Variants in BBOF1 observed in about 807,000 individuals in gnomAD.
BBOF1 encodes the protein basal body orientation factor 1.
A neutral mutation model predicts 68.0 loss-of-function variants in BBOF1; 62 were observed. That is an observed-to-expected ratio of 0.91 (90% CI 0.74 to 1.13). The LOEUF is 1.13. BBOF1 is among the 50% of genes most tolerant of loss of function. The pLI is 0.00. For missense variants in BBOF1, 534 were observed against 600.1 expected, an observed-to-expected ratio of 0.89 and a Z score of 1.15; for synonymous variants, 208 against 198.8, an observed-to-expected ratio of 1.05 and a Z score of -0.39.
rs2059942532 is a variant in BBOF1 at position 74,046,109 on chromosome 14, G to A, written c.626G>A (p.Arg209Lys). 6.2e-7 allele frequency: 1 copy of A among 1,608,586 alleles called. No homozygotes were observed. The highest frequency in any genetic ancestry group is 8.5e-7 in the Non-Finnish European group (1 of 1,177,488). The change falls in exon 6 of 12, where the codon AGA becomes AAA. Residue 209 changes from arginine to lysine, a missense_variant. Physicochemically the swap from Arg to Lys is conservative, Grantham distance 26. Coordinates refer to ENST00000394009, the MANE Select transcript of BBOF1 (RefSeq NM_025057.3). ...AAGAAGATAATAATGCTAGCAGAGAGAGCCCACCATGAGGCTATTGTGTAA... is the reference window on the plus strand; with the variant it reads ...AAGAAGATAATAATGCTAGCAGAGAAAGCCCACCATGAGGCTATTGTGTAA... ...AEKKIIMLAE[R>K]AHHEAIVQLN...
intron 5 of BBOF1, among the ~76,000 whole-genome samples, chr14:74,045,207 G>C (rs369156562): frequency 6.6e-6 from 1 of 152,164 alleles, no homozygotes; most frequent in African/African-American, 2.4e-5. Flanking sequence ...TTTCACCCTA[G>C]AATATAAGCT....
Position 74,055,584 on chromosome 14 carries a change from G to T in BBOF1, c.1287G>T (p.Trp429Cys). ...VNQDLLEAEK[W>C]THIEGNVDIG... ...ATTTTTTTCCTTTGAAATTCTTTAG[G>T]ACACATATTGAAGGAAATGTGGATA... Residue 429 changes from tryptophan to cysteine, a missense_variant and splice_region_variant, in exon 9 of 12, where the codon TGG becomes TGT. By Grantham distance (215) the Trp-to-Cys change is radical. Transcript: ENST00000394009. 6.2e-7 allele frequency: 1 copy of T among 1,605,478 alleles called. No individual in the cohort carries two copies. Among genetic ancestry groups the T allele is most frequent in the Non-Finnish European group, 8.5e-7 (1 of 1,173,136 alleles).
At chr14:74,021,913 A>C (rs1278836211) in intron 1 of BBOF1, among the ~76,000 whole-genome samples, 1 of 151,778 alleles carries the variant, frequency 6.6e-6, no homozygotes, top group African/African-American at 2.4e-5. Context: ...TCCCTCCCCC[A>C]GAAAAAAAAA....
At chr14:74,036,683 CA>C (rs35152747) in intron 4 of BBOF1, among the ~76,000 whole-genome samples, 13,065 of 108,168 alleles carry the variant, frequency 0.12, 673 homozygotes, top group Admixed American at 0.2. Context: ...GACTCTGTCT[CA>C]AAAAAAAAAA....
chr14:74,031,890 A>G lies in BBOF1; in HGVS notation c.352-2138A>G, dbSNP rs545629212. The G allele has an allele frequency of 3.3e-5, 5 of 152,278 alleles. No individual in the cohort carries two copies. In the South Asian group the frequency reaches 1.0e-3, roughly 32 times the overall value. 9.4% of individuals were successfully genotyped at this position (152,278 alleles called of 1,614,324 possible). A position where few individuals can be genotyped will look rare whatever the true frequency, so the allele number is the denominator to read the frequency against. On this transcript the variant is annotated intron_variant, in intron 3 of 11. Coordinates refer to ENST00000394009, the MANE Select transcript of BBOF1 (RefSeq NM_025057.3). The stretch of plus-strand genomic sequence containing the variant: ...TTCCAGTCTTTTTCTATTACAATGA[A>G]TGTGCCAGTAAAGAGCTTCATGTAT...
In BBOF1 at chr14:74,050,047, C is replaced by T; in HGVS notation, c.1138C>T (p.His380Tyr). 6.2e-7 allele frequency: 1 copy of T among 1,614,086 alleles called. No homozygotes were observed. The highest frequency in any genetic ancestry group is 2.2e-5 in the East Asian group (1 of 44,870). ...GCAACAGATCCTAATTAGCAGGAAG[C>T]ATTATAAGCAGATAGCACAAGCTGC... Reference protein sequence around the residue: ...VKQQILISRKHYKQIAQAAFN... With the variant: ...VKQQILISRKYYKQIAQAAFN... Residue 380 changes from histidine (H) to tyrosine (Y), a missense_variant, in exon 8 of 12, where the codon CAT (histidine) becomes TAT (tyrosine). Transcript: ENST00000394009.
intron 1 of BBOF1, 29 bp from the exon 2 acceptor site, chr14:74,022,887 T>C (rs2059334785): frequency 7.8e-7 from 1 of 1,287,246 alleles, no homozygotes; most frequent in East Asian, 2.3e-5. Flanking sequence ...TAAATAGTCA[T>C]ATACTGTCAA....
At chr14:74,021,373 C>T (rs954166182) in intron 1 of BBOF1, among the ~76,000 whole-genome samples, 1 of 151,956 alleles carries the variant, frequency 6.6e-6, no homozygotes, top group Non-Finnish European at 1.5e-5. Flanking sequence ...ATCACTTGAG[C>T]CCAGGAGTTC....
chr14:74,070,232 C>A (rs780145108), downstream of BBOF1, among the ~76,000 whole-genome samples: 90 of 151,978 alleles, frequency 5.9e-4, no homozygotes, highest in Non-Finnish European at 8.8e-4. Flanking sequence ...TTAAGAATAA[C>A]AATAGGCAAG....
chr14:74,048,111 T>TAA lies in BBOF1; in HGVS notation c.792+37_792+38insAA, dbSNP rs2059991105. 3 of 1,584,706 alleles carry TAA rather than the reference T, an allele frequency of 1.9e-6. No homozygotes were observed. In the African/African-American group the frequency reaches 4.1e-5, roughly 22 times the overall value. ...TTTAGACTTGGTGTCCTTCTTTTCT[T>TAA]TATTTAAGGATTGGGTTGGTAAATA... On this transcript the variant is annotated intron_variant, in intron 7 of 11. Transcript: ENST00000394009.
chr14:74,064,979 C>A lies in BBOF1; in HGVS notation c.*280C>A. On this transcript the variant is annotated 3_prime_UTR_variant, in exon 12 of 12. Transcript: ENST00000394009. ...GACAAAGGAACTCTCCATTTAGAAA[C>A]ACAAAGGCATCAGAGACCAGTTTTA... is the stretch of plus-strand genomic sequence containing the variant. The A allele has an allele frequency of 6.6e-7, 1 of 1,523,744 alleles. No homozygotes were observed. Among genetic ancestry groups the A allele is most frequent in the East Asian group, 2.3e-5 (1 of 43,330 alleles). The allele number at this position is 1,523,744 out of a possible 1,614,324, so 94.4% of individuals were successfully genotyped here.
rs747721401 is a variant in BBOF1, at chr14:74,065,220, G to A, written c.*521G>A. ...CCAAGTGGGCATATTTCCGAGCAGT[G>A]GCTCCATTGGTGGTGAAGATGGCAG... On this transcript the variant is annotated 3_prime_UTR_variant, in exon 12 of 12. Coordinates refer to ENST00000394009, the MANE Select transcript of BBOF1 (RefSeq NM_025057.3). 5 of 1,613,974 alleles carry A rather than the reference G, an allele frequency of 3.1e-6. No homozygotes were observed. In the African/African-American group the frequency reaches 6.7e-5, roughly 22 times the overall value.
At chr14:74,058,012 A>AT (rs2060257454) in intron 11 of BBOF1, 1 of 670,624 alleles carries the variant, frequency 1.5e-6, no homozygotes, top group Non-Finnish European at 1.8e-6. Flanking sequence ...AACCCAGCCT[A>AT]TAGTTGTTGG....
Position 74,056,926 on chromosome 14 carries a change from G to A in BBOF1, c.1409G>A (p.Arg470Lys). 1 of 1,613,774 alleles carries A rather than the reference G, an allele frequency of 6.2e-7. No individual in the cohort carries two copies. The highest frequency in any genetic ancestry group is 1.1e-5 in the South Asian group (1 of 91,064). Residue 470 changes from arginine (R) to lysine (K), a missense_variant, in exon 10 of 12, where the codon AGG becomes AAG. By Grantham distance (26) the Arg-to-Lys change is conservative. Transcript: ENST00000394009. ...TACAGGAAATACAACCAGAGTTCTA[G>A]GCCTCCAGTTCCAGACTATGTTGTT... ...CPSRKYNQSS[R>K]PPVPDYVVSD...
intron 9 of BBOF1, among the ~76,000 whole-genome samples, chr14:74,076,975 G>C (rs1477905106): frequency 1.3e-5 from 2 of 152,208 alleles, no homozygotes; most frequent in African/African-American, 4.8e-5. Flanking sequence ...TGCCTGAAAA[G>C]GGACTCTGTT....
chr14:74,036,955 TTTTTTTTTTTCTTTTTTC>T lies in BBOF1; in HGVS notation c.495+2795_495+2812del, dbSNP rs1368685030. Among the ~76,000 whole-genome samples, 861 of 139,672 alleles carry T rather than the reference TTTTTTTTTTTCTTTTTTC, an allele frequency of 6.2e-3. 8 individuals are homozygous for T. Among genetic ancestry groups the T allele is most frequent in the African/African-American group, 0.024 (823 of 34,406 alleles). 91.6% of individuals were successfully genotyped at this position (139,672 alleles called of 152,430 possible). A position where few individuals can be genotyped will look rare whatever the true frequency, so the allele number is the denominator to read the frequency against. ...GATCTTGGCCCATTAAAATATTATC[TTTTTTTTTTTCTTTTTTC>T]TTTTTTTTTTTTTTTTTGAGACAGA... On this transcript the variant is annotated intron_variant, in intron 4 of 11. Coordinates refer to ENST00000394009, the MANE Select transcript of BBOF1 (RefSeq NM_025057.3).
At chr14:74,042,095 G>A (rs780475860) in intron 5 of BBOF1, among the ~76,000 whole-genome samples, 5 of 152,146 alleles carry the variant, frequency 3.3e-5, no homozygotes, top group Non-Finnish European at 4.4e-5. Flanking sequence ...TGCTGGTCTC[G>A]AACTCCTGGG....
intron 2 of BBOF1, among the ~76,000 whole-genome samples, chr14:74,028,467 T>TACACACACACACAC (rs34677110): frequency 1.2e-4 from 17 of 138,294 alleles, no homozygotes; most frequent in African/African-American, 4.3e-4. Flanking sequence ...ACTAAAGAAA[T>TACACACACACACAC]ACACACACAC....
chr14:74,019,626 C>G, intron 1 of BBOF1, 92 bp downstream of exon 1: 1 of 1,529,156 alleles, frequency 6.5e-7, no homozygotes, highest in African/African-American at 1.4e-5. Flanking sequence ...CGCGCCGGCC[C>G]ACTCGGACCC....
Sources: gnomAD v4.1 joint callset for allele counts (sites outside exome capture counted in the v4.1 genomes callset) on GRCh38, gnomAD v4.1.1 for gene constraint, MANE v1.5 for transcripts, NCBI Gene and HGNC (gene_info 2026-07-23, HGNC 2026-07-21) for gene names.